The following ZDHHC3 variants were observed in gnomAD, a reference collection of about 807,000 sequenced individuals.
ZDHHC3 encodes palmitoyltransferase ZDHHC3.
In ZDHHC3, 9 loss-of-function variants were observed where a neutral mutation model predicts 30.6. That is an observed-to-expected ratio of 0.29 (90% confidence interval 0.18 to 0.51). The LOEUF (loss-of-function observed/expected upper bound fraction) is 0.51, where lower values mean the gene tolerates loss of function less well. ZDHHC3 is among the 20% of genes least tolerant of loss of function. The pLI, the probability that ZDHHC3 is intolerant of heterozygous loss-of-function variation, is 0.97. For missense variants in ZDHHC3, 246 were observed against 384.2 expected, an observed-to-expected ratio of 0.64 and a Z score of 3.01; for synonymous variants, 136 against 140.2, an observed-to-expected ratio of 0.97 and a Z score of 0.21.
chr3:44,933,191 T>C lies in ZDHHC3; in HGVS notation c.537A>G (p.Ile179Met), dbSNP rs1351132065. Residue 179 changes from isoleucine (I) to methionine (M), a missense_variant, in exon 5 of 7, where the codon ATA (isoleucine) becomes ATG (methionine). Ile to Met is a conservative substitution (Grantham distance 10, BLOSUM62 1). Coordinates refer to ENST00000424952, the MANE Select transcript of ZDHHC3 (RefSeq NM_001135179.2). ...TGAGGGCGTGCAAGGAAATGAGAGC[T>C]ATGTACATCTGAAACAGGAAACCAG... Reference protein sequence around the residue: ...QKYFVLFTMYIALISLHALIM... With the variant: ...QKYFVLFTMYMALISLHALIM... 6.2e-7 allele frequency: 1 copy of C among 1,614,008 alleles called. No homozygotes were observed. Among genetic ancestry groups the C allele is most frequent in the Non-Finnish European group, 8.5e-7 (1 of 1,179,988 alleles).
Position 44,975,774 on chromosome 3 carries a change from A to T in ZDHHC3, c.-25+159T>A, listed in dbSNP as rs60053888. The stretch of plus-strand genomic sequence containing the variant: ...CTCTCTCTCTCTCTCTCTCTCTCTC[A>T]CACACACACACACACACACACACAC... On this transcript the variant is annotated intron_variant, in intron 1 of 6. Coordinates refer to ENST00000424952, the MANE Select transcript of ZDHHC3 (RefSeq NM_001135179.2). 7.8e-3 allele frequency among the ~76,000 whole-genome samples: 1,081 copies of T among 137,998 alleles called. 8 individuals are homozygous for T. The highest frequency in any genetic ancestry group is 0.02 in the African/African-American group (740 of 36,866). 90.5% of individuals were successfully genotyped at this position (137,998 alleles called of 152,430 possible).
chr3:44,946,829 C>T (rs1269774156), intron 2 of ZDHHC3, among the ~76,000 whole-genome samples: 2 of 152,084 alleles, frequency 1.3e-5, no homozygotes, highest in African/African-American at 4.8e-5. Flanking sequence ...ACCGATGGGC[C>T]GGGGCCAGCC....
At chr3:44,933,028 C>T (rs1406943660) in intron 5 of ZDHHC3, 90 bp downstream of exon 5, 2 of 1,613,564 alleles carry the variant, frequency 1.2e-6, no homozygotes, top group South Asian at 1.1e-5. Context: ...TGGCCCCTGG[C>T]ACCATGAAGG....
chr3:44,962,367 T>C (rs1329439633), intron 1 of ZDHHC3, among the ~76,000 whole-genome samples: 1 of 152,162 alleles, frequency 6.6e-6, no homozygotes, highest in Non-Finnish European at 1.5e-5. Context: ...TTCATGTGCA[T>C]GGTTTTGTTG....
rs1195477141 is a variant in ZDHHC3 at position 44,976,129 on chromosome 3, G to A, written c.-221C>T. On this transcript the variant is annotated 5_prime_UTR_variant, in exon 1 of 7. Transcript: ENST00000424952. ...CAGGAGAAGCCCATCGAGCTCTCCC[G>A]GCAGTGGCGGCGGCCGCGGCTGCAG... The A allele has an allele frequency of 2.9e-5, 16 of 555,156 alleles. No homozygotes were observed. Among genetic ancestry groups the A allele is most frequent in the East Asian group, 1.4e-4 (4 of 28,214 alleles). 34.4% of individuals were successfully genotyped at this position (555,156 alleles called of 1,614,324 possible).
At position 44,918,767 on chromosome 3, in the gene ZDHHC3, C is replaced by A; in HGVS notation, c.*7922G>T. ...CTGCTCATGCAGCAGATCCACCCTGCAGCCTCTTCCAAGCTGTCAACTCAC... is the reference window on the plus strand; with the variant it reads ...CTGCTCATGCAGCAGATCCACCCTGAAGCCTCTTCCAAGCTGTCAACTCAC... On this transcript the variant is annotated 3_prime_UTR_variant, in exon 7 of 7. Transcript: ENST00000424952. 1.0e-6 allele frequency: 1 copy of A among 987,244 alleles called. No homozygotes were observed. The highest frequency in any genetic ancestry group is 1.2e-6 in the Non-Finnish European group (1 of 831,110). The allele number at this position is 987,244 out of a possible 1,614,324, so 61.2% of individuals were successfully genotyped here.
Position 44,926,406 on chromosome 3 carries a change from A to G in ZDHHC3, c.*283T>C. 3 of 1,158,548 alleles carry G rather than the reference A, an allele frequency of 2.6e-6. No homozygotes were observed. The highest frequency in any genetic ancestry group is 3.2e-6 in the Non-Finnish European group (3 of 941,092). 71.8% of individuals were successfully genotyped at this position (1,158,548 alleles called of 1,614,324 possible). On this transcript the variant is annotated 3_prime_UTR_variant, in exon 7 of 7. Coordinates refer to ENST00000424952, the MANE Select transcript of ZDHHC3 (RefSeq NM_001135179.2). ...CGAGACAGCGCCCTCTACATTAGTC[A>G]TGCCAGACAGACAGCAGAGAGAAAC...
At position 44,959,549 on chromosome 3, in the gene ZDHHC3, T is replaced by C. The variant is rs1704281010; in HGVS notation, c.-24-89A>G. On this transcript the variant is annotated intron_variant, in intron 1 of 6. Transcript: ENST00000424952. The surrounding 1 kb of genome is among the most constrained non-coding windows in gnomAD (Gnocchi z 4.3). ...AATTGCTCCCATAGTGAGTTGTGATTACTTATCTGCAACCCCTGTGTGCAA... is the reference window on the plus strand; with the variant it reads ...AATTGCTCCCATAGTGAGTTGTGATCACTTATCTGCAACCCCTGTGTGCAA... 1.8e-6 allele frequency: 2 copies of C among 1,126,986 alleles called. No homozygotes were observed. Among genetic ancestry groups the C allele is most frequent in the African/African-American group, 1.6e-5 (1 of 64,284 alleles). The allele number at this position is 1,126,986 out of a possible 1,614,324, so 69.8% of individuals were successfully genotyped here.
Position 44,924,866 on chromosome 3 carries a change from G to A in ZDHHC3, c.*1823C>T, listed in dbSNP as rs535173136. The A allele has an allele frequency of 3.9e-5, 38 of 985,428 alleles. No homozygotes were observed. The highest frequency in any genetic ancestry group is 1.2e-4 in the Admixed American group (2 of 16,270). 61.0% of individuals were successfully genotyped at this position (985,428 alleles called of 1,614,324 possible). Reference sequence around the variant, plus strand: ...TTTTTAATCTTAGCATCTCAGCCTCGCCCGTATCGCATGAATAGCACCGTA... The same window carrying A: ...TTTTTAATCTTAGCATCTCAGCCTCACCCGTATCGCATGAATAGCACCGTA... On this transcript the variant is annotated 3_prime_UTR_variant, in exon 7 of 7. Coordinates refer to ENST00000424952, the MANE Select transcript of ZDHHC3 (RefSeq NM_001135179.2).
Position 44,918,510 on chromosome 3 carries a change from C to A in ZDHHC3, c.*8179G>T, listed in dbSNP as rs1373408466. ...CTGAGGCATAAGGGGGACCACACAT[C>A]CTCTGAGGCCACTACAAACTGGTGA... is the stretch of plus-strand genomic sequence containing the variant. On this transcript the variant is annotated 3_prime_UTR_variant, in exon 7 of 7. Coordinates refer to ENST00000424952, the MANE Select transcript of ZDHHC3 (RefSeq NM_001135179.2). 8 of 985,314 alleles carry A rather than the reference C, an allele frequency of 8.1e-6. No individual in the cohort carries two copies. Among genetic ancestry groups the A allele is most frequent in the Non-Finnish European group, 9.6e-6 (8 of 829,946 alleles). 61.0% of individuals were successfully genotyped at this position (985,314 alleles called of 1,614,324 possible). A position where few individuals can be genotyped will look rare whatever the true frequency, so the allele number is the denominator to read the frequency against.
intron 2 of ZDHHC3, among the ~76,000 whole-genome samples, chr3:44,951,801 T>C (rs1204780196): frequency 6.6e-6 from 1 of 152,192 alleles, no homozygotes; most frequent in Non-Finnish European, 1.5e-5. Flanking sequence ...CAACTCACTG[T>C]GGCCAAATCC....
At position 44,931,572 on chromosome 3, in the gene ZDHHC3, G is replaced by A. The variant is rs76485930; in HGVS notation, c.610+1546C>T. Among the ~76,000 whole-genome samples the A allele has an allele frequency of 2.5e-3, 375 of 152,338 alleles. 1 individual carries two copies. The highest frequency in any genetic ancestry group is 3.8e-3 in the Non-Finnish European group (258 of 68,032). On this transcript the variant is annotated intron_variant, in intron 5 of 6. Coordinates refer to ENST00000424952, the MANE Select transcript of ZDHHC3 (RefSeq NM_001135179.2). ...CCACCAGGGCTGAGCAGTGAGGGCA[G>A]TAATGGTCATATACAGTCAACTCTC...
chr3:44,959,318 C>G lies in ZDHHC3; in HGVS notation c.119G>C (p.Arg40Pro). ...PGPVGTMWFI[R>P]DGCGIACAIV... ...GGCACAGGCGATGCCACAGCCGTCA[C>G]GGATAAACCACATGGTTCCCACAGG... Residue 40 changes from arginine (R) to proline (P), a missense_variant, in exon 2 of 7, where the codon CGT becomes CCT. Arg to Pro is a moderately radical substitution (Grantham distance 103, BLOSUM62 -2). Coordinates refer to ENST00000424952, the MANE Select transcript of ZDHHC3 (RefSeq NM_001135179.2). The surrounding 1 kb of genome is among the most constrained non-coding windows in gnomAD (Gnocchi z 4.3). The G allele has an allele frequency of 6.2e-7, 1 of 1,614,228 alleles. No individual in the cohort carries two copies. The highest frequency in any genetic ancestry group is 1.1e-5 in the South Asian group (1 of 91,086).
In ZDHHC3 at chr3:44,919,829, T is replaced by A; in HGVS notation, c.*6860A>T. ...ACTGTTTTTGTCACATTTTTGTAAG[T>A]CTGATTTCACAAAAAGTTTAAAAAT... On this transcript the variant is annotated 3_prime_UTR_variant, in exon 7 of 7. Transcript: ENST00000424952. The A allele has an allele frequency of 1.0e-6, 1 of 993,920 alleles. No individual in the cohort carries two copies. Among genetic ancestry groups the A allele is most frequent in the Non-Finnish European group, 1.2e-6 (1 of 827,568 alleles). 61.6% of individuals were successfully genotyped at this position (993,920 alleles called of 1,614,324 possible). A position where few individuals can be genotyped will look rare whatever the true frequency, so the allele number is the denominator to read the frequency against.
chr3:44,975,526 G>A (rs1705849496), intron 1 of ZDHHC3: 1 of 152,218 alleles, frequency 6.6e-6, no homozygotes, highest in African/African-American at 2.4e-5. Context: ...ACAGCGTTCG[G>A]TCACAGAGAG....
rs1255406618 is a variant in ZDHHC3, at chr3:44,923,946, T to C, written c.*2743A>G. 1 of 985,370 alleles carries C rather than the reference T, an allele frequency of 1.0e-6. No homozygotes were observed. Among genetic ancestry groups the C allele is most frequent in the African/African-American group, 1.7e-5 (1 of 57,250 alleles). The allele number at this position is 985,370 out of a possible 1,614,324, so 61.0% of individuals were successfully genotyped here. A position where few individuals can be genotyped will look rare whatever the true frequency, so the allele number is the denominator to read the frequency against. On this transcript the variant is annotated 3_prime_UTR_variant, in exon 7 of 7. Coordinates refer to ENST00000424952, the MANE Select transcript of ZDHHC3 (RefSeq NM_001135179.2). Reference sequence around the variant, plus strand: ...AATATGCATAGATTATAGATTTGCTTGGATCTAAGCCTTTTGCATATTCAG... The same window carrying C: ...AATATGCATAGATTATAGATTTGCTCGGATCTAAGCCTTTTGCATATTCAG...
intron 2 of ZDHHC3, among the ~76,000 whole-genome samples, chr3:44,957,608 C>T (rs1222150293): frequency 6.6e-6 from 1 of 152,228 alleles, no homozygotes; most frequent in East Asian, 1.9e-4. Flanking sequence ...AGGAGCCATG[C>T]TCCTGCATTC....
Position 44,951,014 on chromosome 3 carries a change from G to A in ZDHHC3, c.307-5722C>T, listed in dbSNP as rs996051108. On this transcript the variant is annotated intron_variant, in intron 2 of 6. Coordinates refer to ENST00000424952, the MANE Select transcript of ZDHHC3 (RefSeq NM_001135179.2). ...CATTTCCAAAGTAATACTTGTTCATGGTTTTAAGAAAGAAAATACAGATGA... is the reference window on the plus strand; with the variant it reads ...CATTTCCAAAGTAATACTTGTTCATAGTTTTAAGAAAGAAAATACAGATGA... Among the ~76,000 whole-genome samples the A allele has an allele frequency of 2.0e-5, 3 of 152,080 alleles. No individual in the cohort carries two copies. The South Asian group carries it at 6.2e-4, about 31-fold the overall frequency.
In ZDHHC3 at chr3:44,915,704, G is replaced by C. The variant is rs1700117696; in HGVS notation, c.*10985C>G. On this transcript the variant is annotated 3_prime_UTR_variant, in exon 7 of 7. Coordinates refer to ENST00000424952, the MANE Select transcript of ZDHHC3 (RefSeq NM_001135179.2). The stretch of plus-strand genomic sequence containing the variant: ...GGCCAAGATGGATTCCCTAGAAGAG[G>C]AGTTTGAAGCCCAATGTGCAAGGAC... The C allele has an allele frequency of 6.6e-6, 1 of 152,098 alleles. No homozygotes were observed. Among genetic ancestry groups the C allele is most frequent in the African/African-American group, 2.4e-5 (1 of 41,300 alleles). 9.4% of individuals were successfully genotyped at this position (152,098 alleles called of 1,614,324 possible).
Sources: gnomAD v4.1 joint callset for allele counts (sites outside exome capture counted in the v4.1 genomes callset) on GRCh38, gnomAD v4.1.1 for gene constraint, Gnocchi (gnomAD v3.1) non-coding constraint, MANE v1.5 for transcripts, NCBI Gene and HGNC (gene_info 2026-07-23, HGNC 2026-07-21) for gene names.